The following AUTS2 variants were observed in gnomAD, a reference collection of about 807,000 sequenced individuals.
AUTS2 encodes the protein activator of transcription and developmental regulator AUTS2, also known as autism susceptibility gene 2 protein.
Under a neutral mutation model 112.4 loss-of-function variants are expected in AUTS2, and 17 were observed. That is an observed-to-expected ratio of 0.15 (90% confidence interval 0.10 to 0.23). AUTS2 has a LOEUF of 0.23. AUTS2 is among the 10% of genes least tolerant of loss of function. The pLI is 1.00. For missense variants in AUTS2, 1,510 were observed against 1,701.6 expected (o/e 0.89, Z 1.98); for synonymous variants, 751 against 702.7 (o/e 1.07, Z -1.09).
chr7:70,698,856 A>G (rs1809286101), intron 6 of AUTS2: 1 of 389,472 alleles, frequency 2.6e-6, no homozygotes, highest in Non-Finnish European at 4.5e-6. Context: ...TTGACTAATC[A>G]CTACTACTAT....
intron 1 of AUTS2, among the ~76,000 whole-genome samples, chr7:69,625,031 G>T (rs1286076154): frequency 6.6e-6 from 1 of 151,304 alleles, no homozygotes; most frequent in Non-Finnish European, 1.5e-5. Context: ...GTGTGAAGCG[G>T]GAGGAGTGGT....
intron 16 of AUTS2, chr7:70,785,406 C>T (rs1285710417): frequency 4.0e-6 from 2 of 495,358 alleles, no homozygotes; most frequent in African/African-American, 1.9e-5. Flanking sequence ...GAAACACAAG[C>T]TGACGTTATG....
At chr7:70,402,883 T>C (rs1794383108) in intron 4 of AUTS2, among the ~76,000 whole-genome samples, 1 of 152,208 alleles carries the variant, frequency 6.6e-6, no homozygotes. Context: ...CCCAGTCGTC[T>C]GAACACTCAT....
At chr7:70,027,465 A>G (rs1800573199) in intron 2 of AUTS2, among the ~76,000 whole-genome samples, 2 of 152,058 alleles carry the variant, frequency 1.3e-5, no homozygotes, top group Admixed American at 6.6e-5. Flanking sequence ...TCCAGCCCCT[A>G]TGTCATTGGT....
At chr7:70,656,907 A>G (rs183228925) in intron 5 of AUTS2, among the ~76,000 whole-genome samples, 1 of 152,340 alleles carries the variant, frequency 6.6e-6, no homozygotes, top group East Asian at 1.9e-4. Context: ...GCTAAGGTGT[A>G]TGGGTTTATG....
intron 5 of AUTS2, among the ~76,000 whole-genome samples, chr7:70,603,770 T>C (rs569315705): frequency 5.8e-4 from 89 of 152,330 alleles, no homozygotes; most frequent in African/African-American, 2.1e-3. Context: ...ATTTTGCCAA[T>C]AATTTAAATT....
intron 5 of AUTS2, among the ~76,000 whole-genome samples, chr7:70,463,657 C>T (rs532398760): frequency 1.3e-5 from 2 of 152,316 alleles, no homozygotes; most frequent in African/African-American, 4.8e-5. Context: ...CTGCCCTTCC[C>T]CAAGTCTTCA....
At chr7:70,071,366 C>A (rs1360325858) in intron 2 of AUTS2, among the ~76,000 whole-genome samples, 2 of 152,200 alleles carry the variant, frequency 1.3e-5, no homozygotes, top group African/African-American at 4.8e-5. Context: ...ACAGACAGCA[C>A]ACCCTCATGC....
intron 1 of AUTS2, among the ~76,000 whole-genome samples, chr7:69,648,123 G>A (rs1795116956): frequency 6.6e-6 from 1 of 152,176 alleles, no homozygotes; most frequent in East Asian, 1.9e-4. Context: ...ACCCATAACA[G>A]AGTTCTACTT....
At chr7:70,107,263 A>G (rs778359780) in intron 2 of AUTS2, among the ~76,000 whole-genome samples, 47 of 151,780 alleles carry the variant, frequency 3.1e-4, no homozygotes, top group Non-Finnish European at 6.2e-4. Flanking sequence ...TATGCTCACT[A>G]GCACACATGA....
At chr7:70,495,201 A>G (rs925793961) in intron 5 of AUTS2, among the ~76,000 whole-genome samples, 31 of 150,364 alleles carry the variant, frequency 2.1e-4, no homozygotes, top group Non-Finnish European at 3.8e-4. Context: ...GTTCAGTGTT[A>G]AGCAAGCTCC....
intron 2 of AUTS2, among the ~76,000 whole-genome samples, chr7:70,064,952 A>G (rs756237392): frequency 1.3e-5 from 2 of 152,190 alleles, no homozygotes; most frequent in African/African-American, 4.8e-5. Context: ...TATTACATGC[A>G]TATTTATATG....
At chr7:69,787,375 C>T (rs2129321154) in intron 1 of AUTS2, among the ~76,000 whole-genome samples, 1 of 152,230 alleles carries the variant, frequency 6.6e-6, no homozygotes, top group Non-Finnish European at 1.5e-5. Context: ...CTAGTTTTAC[C>T]AGAGAGGAGA....
chr7:70,403,910 G>T (rs1023453182), intron 4 of AUTS2, among the ~76,000 whole-genome samples: 1 of 152,136 alleles, frequency 6.6e-6, no homozygotes, highest in African/African-American at 2.4e-5. Flanking sequence ...ATTCTTAAAA[G>T]AACTGATTTG....
At chr7:69,951,627 T>C (rs1342969170) in intron 2 of AUTS2, among the ~76,000 whole-genome samples, 1 of 152,088 alleles carries the variant, frequency 6.6e-6, no homozygotes, top group Non-Finnish European at 1.5e-5. Flanking sequence ...ATGAACACTT[T>C]TATGCTTTTT....
At chr7:70,087,887 T>A (rs1803694268) in intron 2 of AUTS2, among the ~76,000 whole-genome samples, 1 of 152,198 alleles carries the variant, frequency 6.6e-6, no homozygotes, top group Non-Finnish European at 1.5e-5. Context: ...TTCAATTTGT[T>A]TAATTGACAA....
chr7:69,872,072 T>TA (rs749007240), intron 1 of AUTS2, among the ~76,000 whole-genome samples: 2 of 152,160 alleles, frequency 1.3e-5, no homozygotes, highest in Non-Finnish European at 2.9e-5. Context: ...CGACTTAACT[T>TA]ACAAAACAAA....
chr7:69,611,789 G>A (rs2129079756), intron 1 of AUTS2, among the ~76,000 whole-genome samples: 1 of 151,218 alleles, frequency 6.6e-6, no homozygotes, highest in East Asian at 1.9e-4. Context: ...AATTAGCCGG[G>A]CGCGGTGGCA....
intron 4 of AUTS2, among the ~76,000 whole-genome samples, chr7:70,194,226 A>G (rs1481447351): frequency 6.6e-6 from 1 of 152,294 alleles, no homozygotes; most frequent in East Asian, 1.9e-4. Flanking sequence ...CCTGGCCAAC[A>G]TGGTGAAACC....
Sources: allele counts gnomAD v4.1 joint callset (sites outside exome capture counted in the v4.1 genomes callset), GRCh38; gene constraint gnomAD v4.1.1; transcripts MANE v1.5; gene names NCBI Gene and HGNC (gene_info 2026-07-23, HGNC 2026-07-21).